The following PUM2 variants were observed in gnomAD, a reference collection of about 807,000 sequenced individuals.
The protein encoded by PUM2 is pumilio RNA binding family member 2.
PUM2 carries 57 observed loss-of-function variants against 124.5 expected under a neutral mutation model. The observed-to-expected ratio is 0.46, with a 90% CI of 0.37 to 0.57. PUM2 has a LOEUF of 0.57. PUM2 is among the 20% of genes least tolerant of loss of function. PUM2 has a pLI of 0.00. For missense variants in PUM2, 1,065 were observed against 1,290.6 expected (o/e 0.83, Z 2.68); for synonymous variants, 460 against 446.1 (o/e 1.03, Z -0.39).
At chr2:20,339,703 A>T (rs556612974) in intron 1 of PUM2, among the ~76,000 whole-genome samples, 3 of 152,306 alleles carry the variant, frequency 2.0e-5, no homozygotes, top group African/African-American at 7.2e-5. Flanking sequence ...GACATGGTGA[A>T]ACCCTGTCTC....
intron 1 of PUM2, among the ~76,000 whole-genome samples, chr2:20,345,901 G>A (rs1475164537): frequency 6.6e-6 from 1 of 152,148 alleles, no homozygotes. Context: ...ATTTTAGCGT[G>A]ATGAAAAGAC....
chr2:20,332,673 A>G (rs554015555), intron 1 of PUM2, among the ~76,000 whole-genome samples: 42 of 152,340 alleles, frequency 2.8e-4, no homozygotes, highest in African/African-American at 9.4e-4. Context: ...TCTCTTAAAC[A>G]GCTACAAATG....
Position 20,260,356 on chromosome 2 carries a change from A to G in PUM2, c.2336T>C (p.Val779Ala). ...QLMTDVFGNY[V>A]IQKFFEFGSL... is the part of the protein sequence containing the mutation. ...CCTTACCTCAAAAAACTTCTGTATAACATAGTTGCCAAAAACATCAGTCAT... is the reference window on the plus strand; with the variant it reads ...CCTTACCTCAAAAAACTTCTGTATAGCATAGTTGCCAAAAACATCAGTCAT... The change falls in exon 15 of 21, where the codon GTT becomes GCT. Residue 779 changes from valine to alanine, a missense_variant. Val to Ala is a moderately conservative substitution (Grantham distance 64, BLOSUM62 0). This residue lies in a region of PUM2 where 968 missense variants were observed against 1,159.8 expected (regional missense o/e 0.83). Transcript: ENST00000361078. 1 of 1,612,366 alleles carries G rather than the reference A, an allele frequency of 6.2e-7. No individual in the cohort carries two copies. Among genetic ancestry groups the G allele is most frequent in the East Asian group, 2.2e-5 (1 of 44,764 alleles).
At chr2:20,339,316 A>C (rs1201987343) in intron 1 of PUM2, among the ~76,000 whole-genome samples, 2 of 152,080 alleles carry the variant, frequency 1.3e-5, no homozygotes, top group African/African-American at 4.8e-5. Flanking sequence ...CAGGAGTGGG[A>C]AAATGACCAG....
Position 20,345,181 on chromosome 2 carries a change from C to T in PUM2, c.-19+5416G>A, listed in dbSNP as rs540846539. Reference sequence around the variant, plus strand: ...GCGGCACGATCACAACTCACTGCAGCCTCAGTCTCCTGGATTCAAGTGACC... The same window carrying T: ...GCGGCACGATCACAACTCACTGCAGTCTCAGTCTCCTGGATTCAAGTGACC... On this transcript the variant is annotated intron_variant, in intron 1 of 20. Transcript: ENST00000361078. 3.7e-3 allele frequency among the ~76,000 whole-genome samples: 556 copies of T among 151,210 alleles called. 6 individuals carry two copies. The highest frequency in any genetic ancestry group is 0.013 in the African/African-American group (542 of 41,228).
Position 20,258,327 on chromosome 2 carries a change from A to T in PUM2, c.2400T>A (p.Arg800=). 6.2e-7 allele frequency: 1 copy of T among 1,612,630 alleles called. No homozygotes were observed. The change falls in exon 16 of 21, where the codon CGT becomes CGA. Residue 800 remains arginine, a synonymous_variant. Coordinates refer to ENST00000361078, the MANE Select transcript of PUM2 (RefSeq NM_015317.5). ...GCAAGGCTAAGGGTAGAACATGACC[A>T]CGAATACGAGTAGCCAGGGCTAATT... The part of the protein sequence containing the change: ...DQKLALATRI[R]GHVLPLALQM...
At position 20,265,693 on chromosome 2, in the gene PUM2, C is replaced by G. The variant is rs556570261; in HGVS notation, c.1958-2233G>C. ...TCAAAGTCCATTTTTGATGATGTCA[C>G]TTTATGATAAAAACCTACAGCATCC... On this transcript the variant is annotated intron_variant, in intron 13 of 20. Transcript: ENST00000361078. Among the ~76,000 whole-genome samples, 8 of 152,294 alleles carry G rather than the reference C, an allele frequency of 5.3e-5. No individual in the cohort carries two copies. The South Asian group carries it at 1.7e-3, about 32-fold the overall frequency.
At chr2:20,263,637 TGGC>T (rs1346015041) in intron 13 of PUM2, among the ~76,000 whole-genome samples, 177 bp from the exon 14 acceptor site, 2 of 152,210 alleles carry the variant, frequency 1.3e-5, no homozygotes, top group Non-Finnish European at 2.9e-5. Flanking sequence ...CTCATGTATG[TGGC>T]TATATGATAA....
intron 14 of PUM2, 50 bp downstream of exon 14, chr2:20,263,143 G>A: frequency 6.6e-7 from 1 of 1,504,022 alleles, no homozygotes; most frequent in Non-Finnish European, 9.1e-7. Flanking sequence ...CTTTTATAAG[G>A]CAGCAATTTT....
chr2:20,279,950 C>G (rs967130019), intron 12 of PUM2, among the ~76,000 whole-genome samples: 2 of 152,112 alleles, frequency 1.3e-5, no homozygotes, highest in East Asian at 3.8e-4. Context: ...ATTTCTGAAC[C>G]TGCCAAATAC....
chr2:20,257,936 A>G (rs996229434), intron 16 of PUM2, among the ~76,000 whole-genome samples: 2 of 152,246 alleles, frequency 1.3e-5, no homozygotes, highest in African/African-American at 4.8e-5. Context: ...CACCATCAAA[A>G]TAAGCACTGG....
chr2:20,350,848 CCCCGCCCA>C, upstream of PUM2: 1 of 962,826 alleles, frequency 1.0e-6, no homozygotes, highest in Non-Finnish European at 1.2e-6. Context: ...CTCCCCTCCC[CCCCGCCCA>C]CCGGGCGCGC....
chr2:20,331,863 T>C (rs1236680425), intron 1 of PUM2: 1 of 152,040 alleles, frequency 6.6e-6, no homozygotes, highest in African/African-American at 2.4e-5. Flanking sequence ...AGTGTAGGAG[T>C]CAACATTTTA....
chr2:20,282,337 T>C (rs766829528), intron 12 of PUM2, among the ~76,000 whole-genome samples: 2 of 152,228 alleles, frequency 1.3e-5, no homozygotes, highest in Non-Finnish European at 2.9e-5. Context: ...AAAGCTAAGA[T>C]ACATGAATAG....
At chr2:20,311,250 C>T (rs1337590131) in intron 5 of PUM2, among the ~76,000 whole-genome samples, 3 of 151,976 alleles carry the variant, frequency 2.0e-5, no homozygotes, top group African/African-American at 7.2e-5. Flanking sequence ...AAAGTAAGCA[C>T]AGCTTCTAAC....
chr2:20,298,289 C>A (rs1676119370), intron 7 of PUM2, among the ~76,000 whole-genome samples: 1 of 152,126 alleles, frequency 6.6e-6, no homozygotes, highest in Admixed American at 6.5e-5. Flanking sequence ...GGAGGTATAA[C>A]CATCATGAAG....
At chr2:20,289,229 G>A (rs1358316574) in intron 10 of PUM2, among the ~76,000 whole-genome samples, 1 of 152,114 alleles carries the variant, frequency 6.6e-6, no homozygotes, top group African/African-American at 2.4e-5. Context: ...TGAGTTACAG[G>A]ACACAGCAAA....
At chr2:20,257,835 TA>T (rs756664262) in intron 16 of PUM2, among the ~76,000 whole-genome samples, 2 of 151,980 alleles carry the variant, frequency 1.3e-5, no homozygotes, top group African/African-American at 4.8e-5. Context: ...GCTATATTTT[TA>T]AAAAAAACAT....
At chr2:20,295,824 A>G (rs1675401494) in intron 8 of PUM2, among the ~76,000 whole-genome samples, 1 of 152,218 alleles carries the variant, frequency 6.6e-6, no homozygotes, top group Non-Finnish European at 1.5e-5. Flanking sequence ...TATTGAAATT[A>G]ATTTTATTGC....
Sources: allele counts gnomAD v4.1 joint callset (sites outside exome capture counted in the v4.1 genomes callset), GRCh38; gene constraint gnomAD v4.1.1; regional missense constraint gnomAD v4.1.1; transcripts MANE v1.5; gene names NCBI Gene and HGNC (gene_info 2026-07-23, HGNC 2026-07-21).